Variants in CAAP1 observed in about 807,000 individuals in gnomAD.
CAAP1 encodes caspase activity and apoptosis inhibitor 1.
CAAP1 carries 20 observed loss-of-function variants against 34.0 expected under a neutral mutation model. That is an observed-to-expected ratio of 0.59 (90% confidence interval 0.41 to 0.86). The LOEUF is 0.86. Ranked by LOEUF, CAAP1 falls within the 40% of genes least tolerant of loss-of-function variation. The pLI is 0.00. For synonymous variants in CAAP1, 213 were observed against 166.7 expected (o/e 1.28, Z -2.14); for missense variants, 538 against 450.5 (o/e 1.19, Z -1.76).
At chr9:26,857,980 A>G (rs1339991027) in intron 5 of CAAP1, among the ~76,000 whole-genome samples, 1 of 152,238 alleles carries the variant, frequency 6.6e-6, no homozygotes, top group Non-Finnish European at 1.5e-5. Flanking sequence ...TGTAATTTAA[A>G]TAACTTATAT....
At chr9:26,889,139 C>T (rs572128421) in intron 1 of CAAP1, among the ~76,000 whole-genome samples, 6 of 152,222 alleles carry the variant, frequency 3.9e-5, no homozygotes, top group East Asian at 1.9e-4. Flanking sequence ...CTGACTAGGC[C>T]GGCGCGGTGG....
Position 26,887,339 on chromosome 9 carries a change from G to A in CAAP1, c.478C>T (p.Gln160Ter). The A allele has an allele frequency of 6.2e-7, 1 of 1,604,486 alleles. No individual in the cohort carries two copies. The highest frequency in any genetic ancestry group is 8.5e-7 in the Non-Finnish European group (1 of 1,174,724). ...CFCIIGEKKL[Q>*]KMLPDVLKNC... The stretch of plus-strand genomic sequence containing the variant: ...TTTAACACATCAGGAAGCATCTTCT[G>A]TAACTTTTTCTCTCCTATAATACAG... The change falls in exon 2 of 6, where the codon CAG (glutamine) becomes TAG (stop). Residue 160 changes from glutamine (Q) to a stop codon, truncating the protein, a stop_gained. Transcript: ENST00000333916. LOFTEE classifies it high-confidence loss of function.
At position 26,888,901 on chromosome 9, in the gene CAAP1, T is replaced by C. The variant is rs78159894; in HGVS notation, c.304-1388A>G. Among the ~76,000 whole-genome samples, 57 of 152,356 alleles carry C rather than the reference T, an allele frequency of 3.7e-4. 2 individuals are homozygous for C. In the East Asian group the frequency reaches 0.011, roughly 29 times the overall value. On this transcript the variant is annotated intron_variant, in intron 1 of 5. Coordinates refer to ENST00000333916, the MANE Select transcript of CAAP1 (RefSeq NM_024828.4). ...TGCTGTATAGCGTTATCTATACGTA[T>C]GTGGTACATATGTACAGCTATACAA...
Position 26,884,865 on chromosome 9 carries a change from C to G in CAAP1, c.610G>C (p.Asp204His), listed in dbSNP as rs1246047518. Residue 204 changes from aspartate (D) to histidine (H), a missense_variant, in exon 4 of 6, where the codon GAT becomes CAT. By Grantham distance (81) the Asp-to-His change is moderately conservative. Around this residue, in one of 3 missense-constraint regions of CAAP1, gnomAD observed 514 missense variants for 408.4 expected, o/e 1.26. Transcript: ENST00000333916. Reference sequence around the variant, plus strand: ...CCATCATCTGCTTCCTCTTCCATATCAGAGTCCATTCCATTGTCACCTTAT... The same window carrying G: ...CCATCATCTGCTTCCTCTTCCATATGAGAGTCCATTCCATTGTCACCTTAT... ...ILEGDNGMDS[D>H]MEEEADDGSK... 3.1e-6 allele frequency: 5 copies of G among 1,608,662 alleles called. No individual in the cohort carries two copies. In the East Asian group the frequency reaches 1.1e-4, roughly 36 times the overall value.
At chr9:26,867,346 C>T (rs1434104158) in intron 4 of CAAP1, among the ~76,000 whole-genome samples, 1 of 152,184 alleles carries the variant, frequency 6.6e-6, no homozygotes, top group Non-Finnish European at 1.5e-5. Flanking sequence ...GTCAAATCTC[C>T]TCCTGTTTCC....
rs747987861 is a variant in CAAP1 at position 26,892,498 on chromosome 9, C to A, written c.218G>T (p.Cys73Phe). The A allele has an allele frequency of 7.3e-5, 115 of 1,566,368 alleles. 3 individuals are homozygous for A. In the South Asian group the frequency reaches 1.3e-3, roughly 17 times the overall value. ...SVTGGGSGGS[C>F]WGGSSVERSE... Reference sequence around the variant, plus strand: ...GCGCTCCACGCTGCTCCCGCCCCAACAGCTGCCGCCGCTCCCACCGCCGGT... The same window carrying A: ...GCGCTCCACGCTGCTCCCGCCCCAAAAGCTGCCGCCGCTCCCACCGCCGGT... The change falls in exon 1 of 6, where the codon TGT becomes TTT. Residue 73 changes from cysteine (C) to phenylalanine (F), a missense_variant. Cys to Phe is a radical substitution (Grantham distance 205, BLOSUM62 -2). Transcript: ENST00000333916.
chr9:26,872,343 C>T (rs1263452141), intron 4 of CAAP1, among the ~76,000 whole-genome samples: 1 of 152,106 alleles, frequency 6.6e-6, no homozygotes, highest in African/African-American at 2.4e-5. Flanking sequence ...AGAAACCTAA[C>T]TGTTAAACAA....
At position 26,846,438 on chromosome 9, in the gene CAAP1, A is replaced by AAAG. The variant is rs1554649509; in HGVS notation, c.740-3792_740-3791insCTT. Among the ~76,000 whole-genome samples the AAAG allele has an allele frequency of 8.8e-4, 124 of 140,160 alleles. 3 individuals are homozygous for AAAG. The highest frequency in any genetic ancestry group is 3.5e-3 in the African/African-American group (119 of 34,256). The allele number at this position is 140,160 out of a possible 152,430, so 92.0% of individuals were successfully genotyped here. A position where few individuals can be genotyped will look rare whatever the true frequency, so the allele number is the denominator to read the frequency against. On this transcript the variant is annotated intron_variant, in intron 5 of 5. Coordinates refer to ENST00000333916, the MANE Select transcript of CAAP1 (RefSeq NM_024828.4). ...CTCAAAAAAAAAAAAAAAAAAAAAA[A>AAAG]AGAAGAAGAAAAAAAAGAAAAAAGA... is the stretch of plus-strand genomic sequence containing the variant.
At chr9:26,876,472 G>GGTTTTTTTTTTT (rs1554652213) in intron 4 of CAAP1, among the ~76,000 whole-genome samples, 3 of 125,714 alleles carry the variant, frequency 2.4e-5, no homozygotes, top group African/African-American at 2.8e-5. Flanking sequence ...ATTCTAGAAG[G>GGTTTTTTTTTTT]TTTTTTTTTT....
At chr9:26,869,852 T>C in intron 4 of CAAP1, 1 of 458,510 alleles carries the variant, frequency 2.2e-6, no homozygotes, top group Non-Finnish European at 2.9e-6. Context: ...ATAAAACAAA[T>C]CAGTTAAGTG....
intron 5 of CAAP1, among the ~76,000 whole-genome samples, chr9:26,860,321 A>T (rs1822973043): frequency 6.6e-6 from 1 of 152,226 alleles, no homozygotes; most frequent in Non-Finnish European, 1.5e-5. Context: ...GCTAGCTGGT[A>T]ATGTCAAAAA....
At chr9:26,856,683 A>C (rs143613966) in intron 5 of CAAP1, among the ~76,000 whole-genome samples, 41 of 152,290 alleles carry the variant, frequency 2.7e-4, no homozygotes, top group African/African-American at 9.9e-4. Context: ...TTAGACCAAA[A>C]AATTTTGTCT....
At chr9:26,846,267 A>C (rs559986227) in intron 5 of CAAP1, among the ~76,000 whole-genome samples, 273 of 152,064 alleles carry the variant, frequency 1.8e-3, no homozygotes, top group Admixed American at 3.6e-3. Flanking sequence ...AAATACAAAA[A>C]TTAGCCGAGC....
At chr9:26,852,945 G>A (rs1356362771) in intron 5 of CAAP1, among the ~76,000 whole-genome samples, 1 of 152,200 alleles carries the variant, frequency 6.6e-6, no homozygotes, top group Admixed American at 6.5e-5. Context: ...TCTGACACAG[G>A]AGTGTTTGGA....
intron 4 of CAAP1, among the ~76,000 whole-genome samples, chr9:26,881,667 G>A (rs573709872): frequency 6.6e-6 from 1 of 152,264 alleles, no homozygotes; most frequent in East Asian, 1.9e-4. Context: ...TATTAGCAGT[G>A]TGAAAACAGA....
rs17851225 is a variant in CAAP1, at chr9:26,886,131, C to T, written c.562G>A (p.Glu188Lys). 3 of 1,549,408 alleles carry T rather than the reference C, an allele frequency of 1.9e-6. No homozygotes were observed. Among genetic ancestry groups the T allele is most frequent in the South Asian group, 2.6e-5 (2 of 76,822 alleles). ...LCQEQLELLS[E>K]KKILKILEGD... ...TCAAGAATCTTCAAAATTTTTTTTT[C>T]AGACAGGAGCTCTAACTGTTCCTGG... Residue 188 changes from glutamate (E) to lysine (K), a missense_variant, in exon 3 of 6, where the codon GAA becomes AAA. By Grantham distance (56) the Glu-to-Lys change is moderately conservative (BLOSUM62 1). Around this residue, in one of 3 missense-constraint regions of CAAP1, gnomAD observed 514 missense variants for 408.4 expected, o/e 1.26. Transcript: ENST00000333916.
Position 26,841,159 on chromosome 9 carries a change from A to C in CAAP1, c.*1142T>G, listed in dbSNP as rs1452588935. On this transcript the variant is annotated 3_prime_UTR_variant, in exon 6 of 6. Transcript: ENST00000333916. ...ACAATCCCTGCAACTTTTATATATA[A>C]GGAAAGTCCTCATACAGTATCAGTA... is the stretch of plus-strand genomic sequence containing the variant. The C allele has an allele frequency of 2.0e-5, 3 of 152,204 alleles. No homozygotes were observed. The highest frequency in any genetic ancestry group is 4.8e-5 in the African/African-American group (2 of 41,458). 9.4% of individuals were successfully genotyped at this position (152,204 alleles called of 1,614,324 possible).
intron 5 of CAAP1, among the ~76,000 whole-genome samples, chr9:26,856,109 G>C (rs930015562): frequency 7.0e-6 from 1 of 142,834 alleles, no homozygotes; most frequent in African/African-American, 2.6e-5. Flanking sequence ...CATGAGCCTG[G>C]CCAGTAATTT....
At chr9:26,876,082 T>C (rs1823421370) in intron 4 of CAAP1, among the ~76,000 whole-genome samples, 1 of 152,240 alleles carries the variant, frequency 6.6e-6, no homozygotes, top group African/African-American at 2.4e-5. Context: ...AGAACTAGAA[T>C]GAAGTTGTAG....
Sources: allele counts gnomAD v4.1 joint callset (sites outside exome capture counted in the v4.1 genomes callset), GRCh38; gene constraint gnomAD v4.1.1; regional missense constraint gnomAD v4.1.1; transcripts MANE v1.5; gene names NCBI Gene and HGNC (gene_info 2026-07-23, HGNC 2026-07-21).